TBC1D5: variants seen among roughly 807,000 people sequenced by gnomAD.
TBC1D5 encodes the protein TBC1 domain family, member 5.
Under a neutral mutation model 100.3 loss-of-function variants are expected in TBC1D5, and 75 were observed. The observed-to-expected ratio is 0.75, with a 90% CI of 0.62 to 0.91. The LOEUF (loss-of-function observed/expected upper bound fraction) is 0.91, where lower values mean the gene tolerates loss of function less well. Ranked by LOEUF, TBC1D5 falls within the 40% of genes least tolerant of loss-of-function variation. The pLI, the probability that TBC1D5 is intolerant of heterozygous loss-of-function variation, is 0.00. For missense variants in TBC1D5, 910 were observed against 942.4 expected, an observed-to-expected ratio of 0.97 and a Z score of 0.45; for synonymous variants, 323 against 325.6, an observed-to-expected ratio of 0.99 and a Z score of 0.09.
At chr3:17,348,427 G>C (rs530761179) in intron 13 of TBC1D5, among the ~76,000 whole-genome samples, 6 of 152,318 alleles carry the variant, frequency 3.9e-5, no homozygotes, top group African/African-American at 1.2e-4. Context: ...CTGGGGTTCT[G>C]CATTTCCACC....
At chr3:17,637,105 T>C (rs1236572665) in intron 1 of TBC1D5, among the ~76,000 whole-genome samples, 1 of 148,176 alleles carries the variant, frequency 6.7e-6, no homozygotes, top group Non-Finnish European at 1.5e-5. Flanking sequence ...CACTGCAACC[T>C]CCGCCTCCTG....
At chr3:17,723,162 G>A (rs2075839300) in intron 1 of TBC1D5, among the ~76,000 whole-genome samples, 1 of 152,034 alleles carries the variant, frequency 6.6e-6, no homozygotes, top group East Asian at 1.9e-4. Context: ...ACATTCTAAA[G>A]TAACTAAAAG....
chr3:17,580,204 A>G (rs2096684579), intron 2 of TBC1D5, among the ~76,000 whole-genome samples: 1 of 152,176 alleles, frequency 6.6e-6, no homozygotes, highest in Non-Finnish European at 1.5e-5. Flanking sequence ...TTTTACAGAA[A>G]TATTTACAAA....
intron 8 of TBC1D5, among the ~76,000 whole-genome samples, chr3:17,391,776 G>A (rs550404494): frequency 1.1e-4 from 16 of 152,204 alleles, no homozygotes; most frequent in African/African-American, 3.4e-4. Flanking sequence ...TCCTTATTAC[G>A]CAGTGACAGA....
intron 3 of TBC1D5, among the ~76,000 whole-genome samples, chr3:17,507,011 G>A (rs2095851795): frequency 6.6e-6 from 1 of 152,058 alleles, no homozygotes; most frequent in Non-Finnish European, 1.5e-5. Flanking sequence ...ACAAGACTCC[G>A]TCTCAAAAAA....
intron 1 of TBC1D5, among the ~76,000 whole-genome samples, chr3:17,683,262 T>C (rs1293767801): frequency 6.6e-6 from 1 of 151,388 alleles, no homozygotes; most frequent in Non-Finnish European, 1.5e-5. Flanking sequence ...AATATGTACA[T>C]GTGTGACCCT....
intron 5 of TBC1D5, among the ~76,000 whole-genome samples, chr3:17,405,369 G>T (rs2093743900): frequency 6.6e-6 from 1 of 151,920 alleles, no homozygotes; most frequent in Non-Finnish European, 1.5e-5. Flanking sequence ...AAAACAAGCT[G>T]GTAAAAGTTA....
At chr3:17,353,396 C>A (rs1486699546) in intron 13 of TBC1D5, among the ~76,000 whole-genome samples, 1 of 151,946 alleles carries the variant, frequency 6.6e-6, no homozygotes, top group African/African-American at 2.4e-5. Flanking sequence ...CTTTATAATA[C>A]ACTTTTTATA....
intron 1 of TBC1D5, among the ~76,000 whole-genome samples, chr3:17,722,623 C>T (rs2075795474): frequency 6.6e-6 from 1 of 152,232 alleles, no homozygotes; most frequent in Non-Finnish European, 1.5e-5. Context: ...CAGAGTCATA[C>T]ACTGTCCTCA....
rs9825456 is a variant in TBC1D5 at position 17,349,040 on chromosome 3, A to G, written c.995+23035T>C. On this transcript the variant is annotated intron_variant, in intron 13 of 21. Transcript: ENST00000253692. ...AAAGAAATGGGGAAAAGTAGCAGAA[A>G]CTCAAATAGGTGGAGTTGAAAATGA... Among the ~76,000 whole-genome samples, 149 of 152,308 alleles carry G rather than the reference A, an allele frequency of 9.8e-4. 1 individual carries two copies. The highest frequency in any genetic ancestry group is 3.3e-3 in the African/African-American group (139 of 41,568).
chr3:17,732,720 A>AAAAAAAATAAATAAATAAAT (rs142854083), intron 1 of TBC1D5, among the ~76,000 whole-genome samples: 71 of 144,874 alleles, frequency 4.9e-4, no homozygotes, highest in Middle Eastern at 3.6e-3. Flanking sequence ...CCGTCTCAAA[A>AAAAAAAATAAATAAATAAAT]AAATAAATAA....
At chr3:17,388,707 AAG>A (rs1379438533) in intron 8 of TBC1D5, among the ~76,000 whole-genome samples, 6 of 151,586 alleles carry the variant, frequency 4.0e-5, no homozygotes, top group Non-Finnish European at 5.9e-5. Context: ...AAAAAAGTAA[AAG>A]TAAATTAGCT....
intron 3 of TBC1D5, among the ~76,000 whole-genome samples, chr3:17,462,169 C>T (rs879682858): frequency 6.6e-6 from 1 of 151,952 alleles, no homozygotes; most frequent in African/African-American, 2.4e-5. Flanking sequence ...ATTTTATACT[C>T]TGAGTCTTTT....
chr3:17,490,185 A>C (rs894925035), intron 3 of TBC1D5, among the ~76,000 whole-genome samples: 3 of 151,890 alleles, frequency 2.0e-5, no homozygotes, highest in African/African-American at 7.3e-5. Flanking sequence ...CCCACTGTTT[A>C]GTGGGGTTGT....
At chr3:17,566,149 TA>T (rs1340255910) in intron 2 of TBC1D5, among the ~76,000 whole-genome samples, 1 of 152,130 alleles carries the variant, frequency 6.6e-6, no homozygotes, top group South Asian at 2.1e-4. Context: ...TAGATAAGCT[TA>T]AGTGCTTAAT....
intron 17 of TBC1D5, among the ~76,000 whole-genome samples, chr3:17,237,293 G>C (rs564546507): frequency 6.6e-6 from 1 of 152,260 alleles, no homozygotes; most frequent in South Asian, 2.1e-4. Flanking sequence ...CTTGCTTCTA[G>C]AGTACAGTTA....
chr3:17,356,415 C>A (rs1320778901), intron 13 of TBC1D5, among the ~76,000 whole-genome samples: 2 of 152,132 alleles, frequency 1.3e-5, no homozygotes, highest in Non-Finnish European at 2.9e-5. Context: ...ATGTTCCCTG[C>A]TCTAATTTAT....
chr3:17,474,342 G>C (rs1226379933), intron 3 of TBC1D5, among the ~76,000 whole-genome samples: 1 of 152,026 alleles, frequency 6.6e-6, no homozygotes, highest in Non-Finnish European at 1.5e-5. Context: ...GTTTATGTTT[G>C]TCCTAAAATG....
chr3:17,476,431 T>G (rs1268805280), intron 3 of TBC1D5, among the ~76,000 whole-genome samples: 1 of 152,042 alleles, frequency 6.6e-6, no homozygotes, highest in Non-Finnish European at 1.5e-5. Flanking sequence ...ATTTCAGCTC[T>G]GTCATGTATT....
Sources: gnomAD v4.1 joint callset for allele counts (sites outside exome capture counted in the v4.1 genomes callset) on GRCh38, gnomAD v4.1.1 for gene constraint, MANE v1.5 for transcripts, NCBI Gene and HGNC (gene_info 2026-07-23, HGNC 2026-07-21) for gene names.